Variants in TSSK6 observed in about 807,000 individuals in gnomAD.
TSSK6 encodes testis-specific serine/threonine-protein kinase 6.
Under a neutral mutation model 8.5 loss-of-function variants are expected in TSSK6, and 9 were observed. That is an observed-to-expected ratio of 1.06 (90% CI 0.64 to 1.85). TSSK6 has a LOEUF of 1.85. Among genes scored for constraint, TSSK6 ranks in the 40% most tolerant of loss-of-function variants. The pLI, the probability that TSSK6 is intolerant of heterozygous loss-of-function variation, is 0.00. For missense variants in TSSK6, 311 were observed against 391.5 expected, an observed-to-expected ratio of 0.79 and a Z score of 1.73; for synonymous variants, 202 against 182.4, an observed-to-expected ratio of 1.11 and a Z score of -0.86.
Position 19,514,333 on chromosome 19 carries a change from C to T in TSSK6, c.*273G>A. Reference sequence around the variant, plus strand: ...AGAGTTCCGCGCAGGCGCAATGCTTCCGTCCCCTCTGGTCTCGCCCTCTCG... The same window carrying T: ...AGAGTTCCGCGCAGGCGCAATGCTTTCGTCCCCTCTGGTCTCGCCCTCTCG... On this transcript the variant is annotated 3_prime_UTR_variant, in exon 1 of 1. Transcript: ENST00000585580. 2.0e-6 allele frequency: 1 copy of T among 500,904 alleles called. No individual in the cohort carries two copies. The highest frequency in any genetic ancestry group is 3.6e-6 in the Non-Finnish European group (1 of 281,320). 31.0% of individuals were successfully genotyped at this position (500,904 alleles called of 1,614,324 possible).
At position 19,515,280 on chromosome 19, in the gene TSSK6, G is replaced by A. The variant is rs1228361348; in HGVS notation, c.148C>T (p.Pro50Ser). The A allele has an allele frequency of 1.2e-6, 2 of 1,613,876 alleles. No individual in the cohort carries two copies. Among genetic ancestry groups the A allele is most frequent in the Admixed American group, 1.7e-5 (1 of 60,030 alleles). The change falls in exon 1 of 1, where the codon CCG becomes TCG. Residue 50 changes from proline to serine, a missense_variant. By Grantham distance (74) the Pro-to-Ser change is moderately conservative. Coordinates refer to ENST00000585580, the MANE Select transcript of TSSK6 (RefSeq NM_032037.4). ...IKVVDRRRAP[P>S]DFVNKFLPRE... ...GGCAGGAACTTGTTGACGAAGTCCGGGGGCGCTCGCCGCCGGTCCACCACC... is the reference window on the plus strand; with the variant it reads ...GGCAGGAACTTGTTGACGAAGTCCGAGGGCGCTCGCCGCCGGTCCACCACC...
Position 19,515,058 on chromosome 19 carries a change from G to T in TSSK6, c.370C>A (p.Arg124Ser). The T allele has an allele frequency of 1.9e-6, 3 of 1,609,326 alleles. No individual in the cohort carries two copies. Among genetic ancestry groups the T allele is most frequent in the Non-Finnish European group, 2.5e-6 (3 of 1,178,212 alleles). ...DLFAQIAGAV[R>S]YLHDHHLVHR... is the part of the protein sequence containing the mutation. ...ACCAGGTGATGATCGTGCAGGTAGC[G>T]CACGGCGCCGGCGATCTGCGCAAAG... The change falls in exon 1 of 1, where the codon CGC (arginine) becomes AGC (serine). Residue 124 changes from arginine (R) to serine (S), a missense_variant. Coordinates refer to ENST00000585580, the MANE Select transcript of TSSK6 (RefSeq NM_032037.4).
chr19:19,514,601 G>T lies in TSSK6; in HGVS notation c.*5C>A. On this transcript the variant is annotated 3_prime_UTR_variant, in exon 1 of 1. Coordinates refer to ENST00000585580, the MANE Select transcript of TSSK6 (RefSeq NM_032037.4). ...GCTGCAGGAATGGCTGGAACCACCC[G>T]GCTTCTAGCCGGAGTCCCCGGCGCG... is the stretch of plus-strand genomic sequence containing the variant. The T allele has an allele frequency of 1.3e-6, 2 of 1,563,370 alleles. No homozygotes were observed. The highest frequency in any genetic ancestry group is 1.1e-5 in the South Asian group (1 of 87,232).
In TSSK6 at chr19:19,514,918, G is replaced by A. The variant is rs1214257684; in HGVS notation, c.510C>T (p.Thr170=). 1.9e-6 allele frequency: 3 copies of A among 1,603,940 alleles called. No homozygotes were observed. The highest frequency in any genetic ancestry group is 1.3e-5 in the African/African-American group (1 of 74,980). Residue 170 remains threonine (T), a synonymous_variant, in exon 1 of 1, where the codon ACC becomes ACT. Coordinates refer to ENST00000585580, the MANE Select transcript of TSSK6 (RefSeq NM_032037.4). ...ACGCGTAGGCGGCTGAGCCGCAGTA[G>A]GTGGTGCTCAGGTCTGGGTAGCCAT... ...QAHGYPDLST[T]YCGSAAYASP...
chr19:19,515,179 G>A lies in TSSK6; in HGVS notation c.249C>T (p.Asn83=), dbSNP rs1001708485. ...VHVFEFIEVC[N]GKLYIVMEAA... The stretch of plus-strand genomic sequence containing the variant: ...CTTCCATCACGATGTACAGTTTCCC[G>A]TTGCACACCTCGATGAACTCGAAGA... Residue 83 remains asparagine, a synonymous_variant, in exon 1 of 1, where the codon AAC becomes AAT. Transcript: ENST00000585580. 4.4e-6 allele frequency: 7 copies of A among 1,608,408 alleles called. No homozygotes were observed. The highest frequency in any genetic ancestry group is 1.3e-5 in the African/African-American group (1 of 74,936).
At position 19,515,329 on chromosome 19, in the gene TSSK6, C is replaced by G. The variant is rs772892218; in HGVS notation, c.99G>C (p.Lys33Asn). ...YSKVKVATSKKYKGTVAIKVV... is the reference protein window; with the variant it reads ...YSKVKVATSKNYKGTVAIKVV... ...CCTTGATGGCCACGGTACCCTTGTA[C>G]TTCTTGGATGTGGCCACCTTCACCT... The change falls in exon 1 of 1, where the codon AAG becomes AAC. Residue 33 changes from lysine (K) to asparagine (N), a missense_variant. Physicochemically the swap from Lys to Asn is moderately conservative, Grantham distance 94. Transcript: ENST00000585580. 2 of 1,614,156 alleles carry G rather than the reference C, an allele frequency of 1.2e-6. No homozygotes were observed. Among genetic ancestry groups the G allele is most frequent in the Non-Finnish European group, 1.7e-6 (2 of 1,179,978 alleles).
chr19:19,514,912 G>T lies in TSSK6; in HGVS notation c.516C>A (p.Cys172Ter). 1 of 1,603,016 alleles carries T rather than the reference G, an allele frequency of 6.2e-7. No individual in the cohort carries two copies. The highest frequency in any genetic ancestry group is 8.5e-7 in the Non-Finnish European group (1 of 1,177,142). ...HGYPDLSTTY[C>*]GSAAYASPEV... Reference sequence around the variant, plus strand: ...CGGGTGACGCGTAGGCGGCTGAGCCGCAGTAGGTGGTGCTCAGGTCTGGGT... The same window carrying T: ...CGGGTGACGCGTAGGCGGCTGAGCCTCAGTAGGTGGTGCTCAGGTCTGGGT... The change falls in exon 1 of 1, where the codon TGC becomes TGA. Residue 172 changes from cysteine (C) to a stop codon, truncating the protein, a stop_gained. Coordinates refer to ENST00000585580, the MANE Select transcript of TSSK6 (RefSeq NM_032037.4). LOFTEE classifies it high-confidence loss of function.
Position 19,514,604 on chromosome 19 carries a change from T to C in TSSK6, c.*2A>G. 1.3e-6 allele frequency: 2 copies of C among 1,568,776 alleles called. No homozygotes were observed. Among genetic ancestry groups the C allele is most frequent in the Non-Finnish European group, 8.6e-7 (1 of 1,162,940 alleles). On this transcript the variant is annotated 3_prime_UTR_variant, in exon 1 of 1. Transcript: ENST00000585580. ...GCAGGAATGGCTGGAACCACCCGGC[T>C]TCTAGCCGGAGTCCCCGGCGCGCAG...
chr19:19,515,062 G>C lies in TSSK6; in HGVS notation c.366C>G (p.Ala122=), dbSNP rs148965544. The C allele has an allele frequency of 4.0e-5, 65 of 1,608,940 alleles. No homozygotes were observed. The African/African-American group carries it at 6.9e-4, about 17-fold the overall frequency. The change falls in exon 1 of 1, where the codon GCC becomes GCG. Residue 122 remains alanine (A), a synonymous_variant. Coordinates refer to ENST00000585580, the MANE Select transcript of TSSK6 (RefSeq NM_032037.4). The stretch of plus-strand genomic sequence containing the variant: ...GGTGATGATCGTGCAGGTAGCGCAC[G>C]GCGCCGGCGATCTGCGCAAAGAGGT... The part of the protein sequence containing the change: ...ARDLFAQIAG[A]VRYLHDHHLV...
chr19:19,515,345 AC>A lies in TSSK6; in HGVS notation c.82del (p.Val28TrpfsTer62). 6.2e-7 allele frequency: 1 copy of A among 1,613,914 alleles called. No homozygotes were observed. Among genetic ancestry groups the A allele is most frequent in the African/African-American group, 1.3e-5 (1 of 75,062 alleles). On this transcript the variant is annotated frameshift_variant, in exon 1 of 1. Coordinates refer to ENST00000585580, the MANE Select transcript of TSSK6 (RefSeq NM_032037.4). LOFTEE classifies it low-confidence loss of function (END_TRUNC). ...ACCCTTGTACTTCTTGGATGTGGCC[AC>A]CTTCACCTTGGAGTAGCTGCCCTCT... is the stretch of plus-strand genomic sequence containing the variant. ...IGEGSYSKVK[V>X]ATSKKYKGTV...
rs1350406584 is a variant in TSSK6, at chr19:19,514,363, C to G, written c.*243G>C. The G allele has an allele frequency of 1.8e-6, 1 of 560,918 alleles. No individual in the cohort carries two copies. Among genetic ancestry groups the G allele is most frequent in the African/African-American group, 1.9e-5 (1 of 52,060 alleles). The allele number at this position is 560,918 out of a possible 1,614,324, so 34.7% of individuals were successfully genotyped here. ...CCCTCTGGTCTCGCCCTCTCGGGGC[C>G]TGGTCGCAGGGAATCGCGGATGCGC... On this transcript the variant is annotated 3_prime_UTR_variant, in exon 1 of 1. Coordinates refer to ENST00000585580, the MANE Select transcript of TSSK6 (RefSeq NM_032037.4).
rs150432013 is a variant in TSSK6, at chr19:19,515,278, C to T, written c.150G>A (p.Pro50=). 1,005 of 1,613,764 alleles carry T rather than the reference C, an allele frequency of 6.2e-4. 7 individuals carry two copies. In the African/African-American group the frequency reaches 0.012, roughly 18 times the overall value. The change falls in exon 1 of 1, where the codon CCG becomes CCA. Residue 50 remains proline, a synonymous_variant. Coordinates refer to ENST00000585580, the MANE Select transcript of TSSK6 (RefSeq NM_032037.4). The stretch of plus-strand genomic sequence containing the variant: ...GCGGCAGGAACTTGTTGACGAAGTC[C>T]GGGGGCGCTCGCCGCCGGTCCACCA... ...IKVVDRRRAP[P]DFVNKFLPRE... is the part of the protein sequence containing the mutation.
chr19:19,514,775 G>T lies in TSSK6; in HGVS notation c.653C>A (p.Ala218Asp). ...GCGTTTCTGGCGCCGGGGCAGGCCG[G>T]CGATGTCCGAGTCGTCGAAGGGCAT... ...GCMPFDDSDI[A>D]GLPRRQKRGV... The change falls in exon 1 of 1, where the codon GCC becomes GAC. Residue 218 changes from alanine to aspartate, a missense_variant. Coordinates refer to ENST00000585580, the MANE Select transcript of TSSK6 (RefSeq NM_032037.4). 1 of 1,602,200 alleles carries T rather than the reference G, an allele frequency of 6.2e-7. No individual in the cohort carries two copies.
In TSSK6 at chr19:19,515,503, G is replaced by T; in HGVS notation, c.-76C>A. Reference sequence around the variant, plus strand: ...GGCCGGACTCCAATCTCGGGTCTAAGCCATGGCGCTTGGCACCTACACCCC... The same window carrying T: ...GGCCGGACTCCAATCTCGGGTCTAATCCATGGCGCTTGGCACCTACACCCC... On this transcript the variant is annotated 5_prime_UTR_variant, in exon 1 of 1. Coordinates refer to ENST00000585580, the MANE Select transcript of TSSK6 (RefSeq NM_032037.4). 1 of 1,401,878 alleles carries T rather than the reference G, an allele frequency of 7.1e-7. No homozygotes were observed. The highest frequency in any genetic ancestry group is 9.8e-7 in the Non-Finnish European group (1 of 1,021,896). 86.8% of individuals were successfully genotyped at this position (1,401,878 alleles called of 1,614,324 possible).
At position 19,515,459 on chromosome 19, in the gene TSSK6, G is replaced by A; in HGVS notation, c.-32C>T. On this transcript the variant is annotated 5_prime_UTR_variant, in exon 1 of 1. Transcript: ENST00000585580. ...GCCTAGGGCGCACGGGGGGCAGGAG[G>A]CGGCTGCTGTCGGGGGGCGGCCGGA... is the stretch of plus-strand genomic sequence containing the variant. 6.4e-7 allele frequency: 1 copy of A among 1,560,688 alleles called. No homozygotes were observed. The highest frequency in any genetic ancestry group is 8.7e-7 in the Non-Finnish European group (1 of 1,148,812).
At position 19,514,880 on chromosome 19, in the gene TSSK6, AG is replaced by A; in HGVS notation, c.547del (p.Leu183SerfsTer61). The A allele has an allele frequency of 6.2e-7, 1 of 1,601,048 alleles. No individual in the cohort carries two copies. Among genetic ancestry groups the A allele is most frequent in the Non-Finnish European group, 8.5e-7 (1 of 1,178,398 alleles). ...CTTGGGGTCGTAGGGGATGCCCAGG[AG>A]CACCTCGGGTGACGCGTAGGCGGCT... is the stretch of plus-strand genomic sequence containing the variant. ...GSAAYASPEVLLGIPYDPKKY... is the reference protein window; with the variant it reads ...GSAAYASPEVXLGIPYDPKKY... On this transcript the variant is annotated frameshift_variant, in exon 1 of 1. Coordinates refer to ENST00000585580, the MANE Select transcript of TSSK6 (RefSeq NM_032037.4). LOFTEE classifies it high-confidence loss of function.
In TSSK6 at chr19:19,515,374, A is replaced by G. The variant is rs2061041922; in HGVS notation, c.54T>C (p.Ile18=). The G allele has an allele frequency of 6.2e-7, 1 of 1,612,410 alleles. No homozygotes were observed. Among genetic ancestry groups the G allele is most frequent in the African/African-American group, 1.3e-5 (1 of 74,984 alleles). ...TCACCTTGGAGTAGCTGCCCTCTCC[A>G]ATTGTGCGGCCCAGCTTATAACCGA... ...SELGYKLGRT[I]GEGSYSKVKV... The change falls in exon 1 of 1, where the codon ATT becomes ATC. Residue 18 remains isoleucine, a synonymous_variant. Coordinates refer to ENST00000585580, the MANE Select transcript of TSSK6 (RefSeq NM_032037.4).
chr19:19,514,869 G>T lies in TSSK6; in HGVS notation c.559C>A (p.Pro187Thr). ...ACATCGTACTTCTTGGGGTCGTAGGGGATGCCCAGGAGCACCTCGGGTGAC... is the reference window on the plus strand; with the variant it reads ...ACATCGTACTTCTTGGGGTCGTAGGTGATGCCCAGGAGCACCTCGGGTGAC... ...YASPEVLLGI[P>T]YDPKKYDVWS... Residue 187 changes from proline to threonine, a missense_variant, in exon 1 of 1, where the codon CCC becomes ACC. Transcript: ENST00000585580. 3 of 1,600,550 alleles carry T rather than the reference G, an allele frequency of 1.9e-6. No individual in the cohort carries two copies. The highest frequency in any genetic ancestry group is 2.5e-6 in the Non-Finnish European group (3 of 1,178,544).
At position 19,515,206 on chromosome 19, in the gene TSSK6, G is replaced by T. The variant is rs567424259; in HGVS notation, c.222C>A (p.His74Gln). 34 of 1,610,940 alleles carry T rather than the reference G, an allele frequency of 2.1e-5. No homozygotes were observed. In the South Asian group the frequency reaches 3.5e-4, roughly 17 times the overall value. Reference sequence around the variant, plus strand: ...TGCACACCTCGATGAACTCGAAGACGTGCACGATGTGCGGGTGTCGCACGC... The same window carrying T: ...TGCACACCTCGATGAACTCGAAGACTTGCACGATGTGCGGGTGTCGCACGC... ...LRGVRHPHIVHVFEFIEVCNG... is the reference protein window; with the variant it reads ...LRGVRHPHIVQVFEFIEVCNG... Residue 74 changes from histidine (H) to glutamine (Q), a missense_variant, in exon 1 of 1, where the codon CAC (histidine) becomes CAA (glutamine). Coordinates refer to ENST00000585580, the MANE Select transcript of TSSK6 (RefSeq NM_032037.4).
Sources: allele counts gnomAD v4.1 joint callset, GRCh38; gene constraint gnomAD v4.1.1; transcripts MANE v1.5; gene names NCBI Gene and HGNC (gene_info 2026-07-23, HGNC 2026-07-21).